The following GALNS variants were observed in gnomAD, a reference collection of about 807,000 sequenced individuals.
GALNS encodes N-acetylgalactosamine-6-sulfatase.
GALNS carries 65 observed loss-of-function variants against 65.9 expected under a neutral mutation model. That is an observed-to-expected ratio of 0.99 (90% CI 0.81 to 1.21). The LOEUF is 1.21. Among genes scored for constraint, GALNS ranks in the 50% most tolerant of loss-of-function variants. The pLI, the probability that GALNS is intolerant of heterozygous loss-of-function variation, is 0.00. For synonymous variants in GALNS, 346 were observed against 288.9 expected, an observed-to-expected ratio of 1.20 and a Z score of -2.00; for missense variants, 776 against 700.7, an observed-to-expected ratio of 1.11 and a Z score of -1.21.
At chr16:88,815,474 G>T (rs981495102) in intron 13 of GALNS, 1 of 985,392 alleles carries the variant, frequency 1.0e-6, no homozygotes, top group African/African-American at 1.7e-5. Flanking sequence ...GCCTGGGTGT[G>T]TGTGGACCTC....
Position 88,832,010 on chromosome 16 carries a change from G to T in GALNS, c.990C>A (p.Val330=), listed in dbSNP as rs200073045. 1 of 1,613,484 alleles carries T rather than the reference G, an allele frequency of 6.2e-7. No homozygotes were observed. Among genetic ancestry groups the T allele is most frequent in the East Asian group, 2.2e-5 (1 of 44,884 alleles). ...EPALAWWPGH[V]TAGQVSHQLG... Reference sequence around the variant, plus strand: ...GACGCTGACTCACCTGGCCTGCAGTGACGTGCCCTGGCCACCATGCGAGGG... The same window carrying T: ...GACGCTGACTCACCTGGCCTGCAGTTACGTGCCCTGGCCACCATGCGAGGG... The change falls in exon 9 of 14, where the codon GTC becomes GTA. Residue 330 remains valine (V), a synonymous_variant. Coordinates refer to ENST00000268695, the MANE Select transcript of GALNS (RefSeq NM_000512.5).
At chr16:88,829,538 C>G (rs561184289) in intron 9 of GALNS, among the ~76,000 whole-genome samples, 1 of 152,362 alleles carries the variant, frequency 6.6e-6, no homozygotes, top group South Asian at 2.1e-4. Flanking sequence ...CTGCCCTGGG[C>G]AGGGTCTGAG....
chr16:88,822,746 C>T (rs750001517), intron 11 of GALNS, 36 bp from the exon 12 acceptor site: 3 of 1,606,458 alleles, frequency 1.9e-6, no homozygotes, highest in Non-Finnish European at 2.6e-6. Context: ...TCCTGGAGCC[C>T]CTGACCTGCG....
chr16:88,814,687 G>A (rs569195673), intron 13 of GALNS, 162 bp from the exon 14 acceptor site: 3 of 644,588 alleles, frequency 4.7e-6, no homozygotes, highest in African/African-American at 2.0e-5. Flanking sequence ...TCTGCCTTCC[G>A]GGTTCAAGAG....
Position 88,852,909 on chromosome 16 carries a change from C to T in GALNS, c.120+3849G>A, listed in dbSNP as rs143455315. ...GTTTGAGGCTGCAGTGAGCTGTGAT[C>T]GAGCTACTGCACTCCAGCCTGGGTG... On this transcript the variant is annotated intron_variant, in intron 1 of 13. Transcript: ENST00000268695. Among the ~76,000 whole-genome samples the T allele has an allele frequency of 1.7e-3, 260 of 152,086 alleles. 2 individuals carry two copies. Among genetic ancestry groups the T allele is most frequent in the African/African-American group, 5.8e-3 (241 of 41,458 alleles).
intron 1 of GALNS, among the ~76,000 whole-genome samples, chr16:88,849,695 A>T (rs1395034017): frequency 1.3e-5 from 2 of 151,992 alleles, no homozygotes; most frequent in Non-Finnish European, 2.9e-5. Flanking sequence ...AAGTGCTGAG[A>T]TCCCAGGTGT....
intron 1 of GALNS, chr16:88,855,333 A>G: frequency 1.4e-6 from 1 of 700,564 alleles, no homozygotes; most frequent in Non-Finnish European, 2.6e-6. Flanking sequence ...AAGGAGTTAC[A>G]CAATGAAAAG....
intron 3 of GALNS, among the ~76,000 whole-genome samples, 157 bp downstream of exon 3, chr16:88,841,740 G>C (rs1191564003): frequency 6.6e-6 from 1 of 152,114 alleles, no homozygotes; most frequent in African/African-American, 2.4e-5. Flanking sequence ...AGCCAGCTAG[G>C]GGGGCCTGCA....
intron 1 of GALNS, among the ~76,000 whole-genome samples, chr16:88,850,691 G>A (rs1334010951): frequency 6.6e-6 from 1 of 152,216 alleles, no homozygotes; most frequent in Admixed American, 6.5e-5. Flanking sequence ...CAGCCGCAGC[G>A]TGGAACCCTC....
At chr16:88,818,945 T>C (rs1236383013) in intron 12 of GALNS, among the ~76,000 whole-genome samples, 1 of 152,004 alleles carries the variant, frequency 6.6e-6, no homozygotes. Context: ...CTCTGGAAGG[T>C]GGTGTGGCAG....
At chr16:88,822,469 C>G in intron 12 of GALNS, 120 bp downstream of exon 12, 1 of 1,332,554 alleles carries the variant, frequency 7.5e-7, no homozygotes, top group East Asian at 2.4e-5. Flanking sequence ...ATAGCAACAG[C>G]AGATGCAGGC....
intron 5 of GALNS, 151 bp downstream of exon 5, chr16:88,837,471 C>T: frequency 1.3e-6 from 1 of 761,130 alleles, no homozygotes; most frequent in Non-Finnish European, 2.2e-6. Flanking sequence ...GGACAGAAGC[C>T]ACCAAACCAA....
In GALNS at chr16:88,856,942, C is replaced by T; in HGVS notation, c.-65G>A. On this transcript the variant is annotated 5_prime_UTR_variant, in exon 1 of 14. Transcript: ENST00000268695. ...ACCTAGCGAGCGTCCGCCGGCCCTT[C>T]CGGCTGGGCTGCGGGGCGGGGCCTG... 2.1e-6 allele frequency: 3 copies of T among 1,456,192 alleles called. No individual in the cohort carries two copies. The highest frequency in any genetic ancestry group is 1.3e-5 in the South Asian group (1 of 74,152). 90.2% of individuals were successfully genotyped at this position (1,456,192 alleles called of 1,614,324 possible).
rs571870570 is a variant in GALNS, at chr16:88,814,268, C to T, written c.*171G>A. 6.9e-5 allele frequency: 62 copies of T among 904,708 alleles called. No homozygotes were observed. The African/African-American group carries it at 7.1e-4, about 10-fold the overall frequency. The allele number at this position is 904,708 out of a possible 1,614,324, so 56.0% of individuals were successfully genotyped here. A position where few individuals can be genotyped will look rare whatever the true frequency, so the allele number is the denominator to read the frequency against. On this transcript the variant is annotated 3_prime_UTR_variant, in exon 14 of 14. Coordinates refer to ENST00000268695, the MANE Select transcript of GALNS (RefSeq NM_000512.5). The stretch of plus-strand genomic sequence containing the variant: ...TGGGCGAGGAGGAGGGCCAAGCACA[C>T]GCCAGGGTCAGGTCCTGGGCAGGTG...
At position 88,837,609 on chromosome 16, in the gene GALNS, G is replaced by A. The variant is rs368741317; in HGVS notation, c.566+13C>T. 3.1e-6 allele frequency: 5 copies of A among 1,611,876 alleles called. No homozygotes were observed. Among genetic ancestry groups the A allele is most frequent in the Non-Finnish European group, 4.2e-6 (5 of 1,179,772 alleles). On this transcript the variant is annotated intron_variant, in intron 5 of 13. Coordinates refer to ENST00000268695, the MANE Select transcript of GALNS (RefSeq NM_000512.5). ...TTCAGGACGTGGGAGGGGAAGGGGT[G>A]GGGCTCCATTACCTGCCAACCATCT...
chr16:88,827,189 G>A, intron 9 of GALNS: 1 of 363,230 alleles, frequency 2.8e-6, no homozygotes, highest in Non-Finnish European at 5.2e-6. Flanking sequence ...ATGCCCTAAG[G>A]CCACTGTGAG....
intron 1 of GALNS, chr16:88,843,264 G>A: frequency 1.6e-6 from 2 of 1,245,580 alleles, no homozygotes; most frequent in Non-Finnish European, 2.1e-6. Context: ...AAAGTCAACT[G>A]GTAACTGTCC....
chr16:88,829,430 C>T (rs16965069), intron 9 of GALNS, among the ~76,000 whole-genome samples: 7,871 of 152,368 alleles, frequency 0.052, 248 homozygotes, highest in South Asian at 0.083. Flanking sequence ...GCCCTTCACA[C>T]GGAGCCGCAG....
At chr16:88,831,044 G>C (rs1253700127) in intron 9 of GALNS, among the ~76,000 whole-genome samples, 2 of 152,230 alleles carry the variant, frequency 1.3e-5, no homozygotes, top group African/African-American at 4.8e-5. Flanking sequence ...GACTGCTGCG[G>C]TGACTGGACC....
Sources: gnomAD v4.1 joint callset for allele counts (sites outside exome capture counted in the v4.1 genomes callset) on GRCh38, gnomAD v4.1.1 for gene constraint, MANE v1.5 for transcripts, NCBI Gene and HGNC (gene_info 2026-07-23, HGNC 2026-07-21) for gene names.